The following RIMS2 variants were observed in gnomAD, a reference collection of about 807,000 sequenced individuals.
RIMS2 encodes the protein regulating synaptic membrane exocytosis 2, also known as regulating synaptic membrane exocytosis protein 2.
RIMS2 carries 59 observed loss-of-function variants against 174.4 expected under a neutral mutation model. The ratio of observed to expected loss-of-function variants is 0.34; its 90% CI spans 0.27 to 0.42. The LOEUF (loss-of-function observed/expected upper bound fraction) is 0.42, where lower values mean the gene tolerates loss of function less well. RIMS2 is among the 10% of genes least tolerant of loss of function. RIMS2 has a pLI of 1.00. For synonymous variants in RIMS2, 606 were observed against 572.5 expected (o/e 1.06, Z -0.84); for missense variants, 1,620 against 1,666.3 (o/e 0.97, Z 0.48).
chr8:103,871,775 G>A (rs930090889), intron 3 of RIMS2, among the ~76,000 whole-genome samples: 2 of 151,946 alleles, frequency 1.3e-5, no homozygotes, highest in African/African-American at 2.4e-5. Flanking sequence ...AATTAAAACC[G>A]AAGGTGTTTG....
intron 19 of RIMS2, among the ~76,000 whole-genome samples, chr8:104,207,622 G>A (rs894940968): frequency 5.3e-5 from 8 of 151,430 alleles, no homozygotes; most frequent in African/African-American, 7.3e-5. Flanking sequence ...CCTGGCCAAC[G>A]TGGTGAAACC....
At chr8:103,688,277 CTAATT>C (rs2096966845) in intron 1 of RIMS2, among the ~76,000 whole-genome samples, 1 of 151,844 alleles carries the variant, frequency 6.6e-6, no homozygotes. Context: ...TCTTGTATAC[CTAATT>C]TAAGAGTTTA....
intron 2 of RIMS2, among the ~76,000 whole-genome samples, chr8:103,761,652 G>T (rs2098114333): frequency 6.6e-6 from 1 of 152,190 alleles, no homozygotes; most frequent in African/African-American, 2.4e-5. Flanking sequence ...AGATAACATG[G>T]AAAATGTAGT....
At chr8:104,095,558 G>A (rs564134169) in intron 19 of RIMS2, among the ~76,000 whole-genome samples, 27 of 152,184 alleles carry the variant, frequency 1.8e-4, no homozygotes, top group African/African-American at 6.3e-4. Flanking sequence ...TATCTTTACA[G>A]TATTATATAT....
chr8:103,567,939 T>A (rs2092498724), intron 1 of RIMS2, among the ~76,000 whole-genome samples: 1 of 152,156 alleles, frequency 6.6e-6, no homozygotes. Flanking sequence ...CATGTGCTCA[T>A]TGGCTGTTTT....
In RIMS2 at chr8:103,532,552, C is replaced by T. The variant is rs148844319; in HGVS notation, c.176+31490C>T. ...ATGCTTTTAAAAAGTCAAAAGGATA[C>T]GACTTGTGAAAAATATGGAATTGGA... On this transcript the variant is annotated intron_variant, in intron 1 of 23. Transcript: ENST00000504942. Among the ~76,000 whole-genome samples the T allele has an allele frequency of 2.7e-3, 417 of 152,158 alleles. 3 individuals carry two copies. The highest frequency in any genetic ancestry group is 8.6e-3 in the African/African-American group (356 of 41,520).
At chr8:103,781,700 T>G (rs1399178957) in intron 3 of RIMS2, among the ~76,000 whole-genome samples, 1 of 151,864 alleles carries the variant, frequency 6.6e-6, no homozygotes, top group African/African-American at 2.4e-5. Flanking sequence ...TTTCTTATGC[T>G]TCAAGGTTTA....
At chr8:103,945,136 A>G (rs540854470) in intron 14 of RIMS2, among the ~76,000 whole-genome samples, 3 of 152,216 alleles carry the variant, frequency 2.0e-5, no homozygotes, top group Non-Finnish European at 4.4e-5. Flanking sequence ...GAACATACAG[A>G]TGAACAGTTA....
At chr8:103,779,249 T>C (rs1437727151) in intron 3 of RIMS2, among the ~76,000 whole-genome samples, 1 of 152,164 alleles carries the variant, frequency 6.6e-6, no homozygotes. Context: ...CTTTTAAGCT[T>C]GATAGAATCC....
intron 1 of RIMS2, among the ~76,000 whole-genome samples, chr8:103,537,893 G>C (rs1840577594): frequency 6.6e-6 from 1 of 151,796 alleles, no homozygotes; most frequent in Admixed American, 6.6e-5. Flanking sequence ...CCAATATACA[G>C]TAATCCTGTG....
At chr8:104,085,453 A>C (rs921251399) in intron 19 of RIMS2, among the ~76,000 whole-genome samples, 11 of 152,216 alleles carry the variant, frequency 7.2e-5, no homozygotes, top group African/African-American at 2.7e-4. Context: ...CACTCACATC[A>C]AATGATCACC....
intron 19 of RIMS2, among the ~76,000 whole-genome samples, chr8:104,238,130 T>A (rs988980261): frequency 2.0e-5 from 3 of 152,046 alleles, no homozygotes; most frequent in African/African-American, 7.2e-5. Context: ...TAAAAAACAA[T>A]GAGTTCATGT....
At chr8:104,054,087 G>T (rs2096831524) in intron 19 of RIMS2, among the ~76,000 whole-genome samples, 1 of 151,944 alleles carries the variant, frequency 6.6e-6, no homozygotes, top group African/African-American at 2.4e-5. Flanking sequence ...TTAGAAAAAA[G>T]AAAAAAATAA....
At chr8:103,579,150 C>T (rs1229446726) in intron 1 of RIMS2, among the ~76,000 whole-genome samples, 2 of 151,982 alleles carry the variant, frequency 1.3e-5, no homozygotes, top group Non-Finnish European at 2.9e-5. Flanking sequence ...TGCCTGTAAT[C>T]CCAGCTACTT....
At chr8:103,798,586 A>G (rs1459249667) in intron 3 of RIMS2, among the ~76,000 whole-genome samples, 5 of 152,172 alleles carry the variant, frequency 3.3e-5, no homozygotes, top group Non-Finnish European at 7.3e-5. Flanking sequence ...ACTTAAATAT[A>G]TATCTTTGCA....
intron 20 of RIMS2, among the ~76,000 whole-genome samples, chr8:104,247,208 A>G (rs192996105): frequency 4.5e-4 from 69 of 152,342 alleles, no homozygotes; most frequent in Non-Finnish European, 6.3e-4. Flanking sequence ...TTTGTTTGCC[A>G]GGGCTACCAT....
chr8:104,244,977 G>A, exon 20 of RIMS2: 1 of 1,613,880 alleles, frequency 6.2e-7, no homozygotes. Flanking sequence ...GCCTGGCCGT[G>A]GAAATGAGGA....
intron 3 of RIMS2, among the ~76,000 whole-genome samples, chr8:103,771,458 C>G (rs760951063): frequency 5.3e-5 from 8 of 152,062 alleles, no homozygotes; most frequent in Non-Finnish European, 5.9e-5. Flanking sequence ...CAAAATTTTA[C>G]TATTTAATTT....
At chr8:103,718,882 C>T (rs186875747) in intron 2 of RIMS2, among the ~76,000 whole-genome samples, 24 of 152,130 alleles carry the variant, frequency 1.6e-4, no homozygotes, top group South Asian at 1.5e-3. Context: ...CATGTTGGCC[C>T]GGCTGATCTC....
Sources: allele counts gnomAD v4.1 joint callset (sites outside exome capture counted in the v4.1 genomes callset), GRCh38; gene constraint gnomAD v4.1.1; transcripts MANE v1.5; gene names NCBI Gene and HGNC (gene_info 2026-07-23, HGNC 2026-07-21).